MAX: variants seen among roughly 807,000 people sequenced by gnomAD.
MAX encodes protein max.
Under a neutral mutation model 22.3 loss-of-function variants are expected in MAX, and 3 were observed. The ratio of observed to expected loss-of-function variants is 0.13; its 90% CI spans 0.06 to 0.35. The LOEUF is 0.35. Ranked by LOEUF, MAX falls within the 10% of genes least tolerant of loss-of-function variation. MAX has a pLI of 1.00. For missense variants in MAX, 119 were observed against 209.4 expected, an observed-to-expected ratio of 0.57 and a Z score of 2.66; for synonymous variants, 72 against 77.7, an observed-to-expected ratio of 0.93 and a Z score of 0.39.
intron 3 of MAX, among the ~76,000 whole-genome samples, chr14:65,034,273 G>A (rs1016862813): frequency 6.6e-6 from 1 of 152,132 alleles, no homozygotes; most frequent in Non-Finnish European, 1.5e-5. Context: ...CTTCCTTTCA[G>A]CATGAAATTC....
rs2277500 is a variant in MAX, at chr14:65,077,732, C to T, written c.295+181G>A. On this transcript the variant is annotated intron_variant, in intron 4 of 4. Transcript: ENST00000358664. This position sits in a 1 kb window ranked among gnomAD's most constrained non-coding sequence, Gnocchi z 6.3. ...CTAGCTTCCACTGTCTCCTCACTGG[C>T]GCCTCAGGTCCTTCCTCAGGACGGC... is the stretch of plus-strand genomic sequence containing the variant. 0.043 allele frequency: 69,322 copies of T among 1,600,030 alleles called. 4,924 individuals are homozygous for T. Among genetic ancestry groups the T allele is most frequent in the East Asian group, 0.23 (10,234 of 44,106 alleles).
At position 65,076,838 on chromosome 14, in the gene MAX, C is replaced by T; in HGVS notation, c.296-175G>A. 1.4e-6 allele frequency: 1 copy of T among 708,344 alleles called. No homozygotes were observed. The highest frequency in any genetic ancestry group is 2.5e-6 in the Non-Finnish European group (1 of 398,812). The allele number at this position is 708,344 out of a possible 1,614,324, so 43.9% of individuals were successfully genotyped here. A position where few individuals can be genotyped will look rare whatever the true frequency, so the allele number is the denominator to read the frequency against. ...CTGTTCACTCACACACTTCATTTCC[C>T]TCCCGCCTTTCCCAGCTGGACCTGG... On this transcript the variant is annotated intron_variant, in intron 4 of 4. Coordinates refer to ENST00000358664, the MANE Select transcript of MAX (RefSeq NM_002382.5). This position sits in a 1 kb window ranked among gnomAD's most constrained non-coding sequence, Gnocchi z 6.6.
chr14:65,053,123 G>T lies in MAX; in HGVS notation c.171+40585C>A, dbSNP rs1006661608. 4 of 731,720 alleles carry T rather than the reference G, an allele frequency of 5.5e-6. No homozygotes were observed. The African/African-American group carries it at 5.5e-5, about 10-fold the overall frequency. 45.3% of individuals were successfully genotyped at this position (731,720 alleles called of 1,614,324 possible). ...ATAGCAGTTGTACCAAGAATGAATG[G>T]AAGAGGAAGGGGAGCAGGAAACCTT... On this transcript the variant is annotated intron_variant, in intron 3 of 3. Coordinates refer to the MAX transcript ENST00000341653.
At chr14:65,006,962 C>T (rs2061604383) in intron 3 of MAX, among the ~76,000 whole-genome samples, 1 of 152,054 alleles carries the variant, frequency 6.6e-6, no homozygotes, top group Admixed American at 6.6e-5. Flanking sequence ...AAGTGTTCCT[C>T]CTGGGCTCGG....
chr14:65,100,747 T>C (rs1256010258), intron 2 of MAX, among the ~76,000 whole-genome samples: 1 of 152,210 alleles, frequency 6.6e-6, no homozygotes, highest in Non-Finnish European at 1.5e-5. Flanking sequence ...TATTCTTTTT[T>C]CCCTCAAATC....
At chr14:65,055,718 T>C (rs1045475418) in intron 3 of MAX, among the ~76,000 whole-genome samples, 4 of 152,122 alleles carry the variant, frequency 2.6e-5, no homozygotes, top group African/African-American at 9.7e-5. Context: ...GGTTTCCCCA[T>C]GTTGGCCAGG....
At chr14:65,098,932 TG>T (rs1308687321) in intron 2 of MAX, among the ~76,000 whole-genome samples, 1 of 152,190 alleles carries the variant, frequency 6.6e-6, no homozygotes, top group Non-Finnish European at 1.5e-5. Context: ...CATACATGAA[TG>T]TTTTTATATT....
chr14:65,086,001 T>C (rs1365900833), intron 3 of MAX, among the ~76,000 whole-genome samples: 2 of 152,090 alleles, frequency 1.3e-5, no homozygotes, highest in Non-Finnish European at 2.9e-5. Context: ...ATCATGGGGG[T>C]TGGTCTTTCC....
intron 3 of MAX, among the ~76,000 whole-genome samples, chr14:65,051,118 C>T (rs560291742): frequency 1.3e-5 from 2 of 152,280 alleles, no homozygotes; most frequent in South Asian, 2.1e-4. Context: ...CTCCTTAGGT[C>T]GGACTTAGTT....
intron 1 of MAX, chr14:65,101,820 C>G: frequency 5.2e-6 from 3 of 578,252 alleles, no homozygotes; most frequent in Non-Finnish European, 9.2e-6. Context: ...GGGTCCCGAG[C>G]ACTGTCTCCT....
At chr14:65,083,945 T>G (rs2063259556) in intron 3 of MAX, 1 of 1,360,808 alleles carries the variant, frequency 7.3e-7, no homozygotes, top group African/African-American at 1.5e-5. Context: ...GGATCCACAT[T>G]AAACTAGTTC....
At chr14:65,050,962 T>C (rs1265868320) in intron 3 of MAX, among the ~76,000 whole-genome samples, 1 of 152,142 alleles carries the variant, frequency 6.6e-6, no homozygotes, top group African/African-American at 2.4e-5. Flanking sequence ...GAAGATAGAG[T>C]GAAGTCCCAT....
intron 3 of MAX, among the ~76,000 whole-genome samples, chr14:65,025,758 G>A (rs1256971485): frequency 3.3e-5 from 5 of 152,180 alleles, no homozygotes; most frequent in African/African-American, 1.2e-4. Context: ...TGAGGCTGCA[G>A]TGAGCCGTGA....
At position 65,032,593 on chromosome 14, in the gene MAX, C is replaced by T. The variant is rs373274514; in HGVS notation, c.172-26309G>A. The T allele has an allele frequency of 1.2e-5, 19 of 1,612,256 alleles. No individual in the cohort carries two copies. Among genetic ancestry groups the T allele is most frequent in the Non-Finnish European group, 1.4e-5 (16 of 1,179,694 alleles). On this transcript the variant is annotated intron_variant, in intron 3 of 3. Transcript: ENST00000341653. The surrounding 1 kb of genome is among the most constrained non-coding windows in gnomAD (Gnocchi z 5.0). ...CTTCCGTAGAGCTTAATGTGTTTCCCGTTTCTGTCTTTCCAGAAGCGCATA... is the reference window on the plus strand; with the variant it reads ...CTTCCGTAGAGCTTAATGTGTTTCCTGTTTCTGTCTTTCCAGAAGCGCATA...
rs925809824 is a variant in MAX, at chr14:65,053,408, C to T, written c.171+40300G>A. Reference sequence around the variant, plus strand: ...GGGGAGGAGAGAGCAGAGGGGCGTGCACCTCAGGCCTACTCAGAGCCAGAT... The same window carrying T: ...GGGGAGGAGAGAGCAGAGGGGCGTGTACCTCAGGCCTACTCAGAGCCAGAT... On this transcript the variant is annotated intron_variant, in intron 3 of 3. Coordinates refer to the MAX transcript ENST00000341653. 6.2e-6 allele frequency: 8 copies of T among 1,281,150 alleles called. No homozygotes were observed. The East Asian group carries it at 8.7e-5, about 14-fold the overall frequency. 79.4% of individuals were successfully genotyped at this position (1,281,150 alleles called of 1,614,324 possible).
At chr14:65,055,496 T>G (rs942522450) in intron 3 of MAX, among the ~76,000 whole-genome samples, 4 of 152,194 alleles carry the variant, frequency 2.6e-5, no homozygotes, top group Non-Finnish European at 4.4e-5. Flanking sequence ...CCTTTTTTGT[T>G]TAAAAAAATT....
At chr14:65,061,088 A>C (rs1303830994) in intron 3 of MAX, 2 of 1,547,490 alleles carry the variant, frequency 1.3e-6, no homozygotes, top group Non-Finnish European at 1.7e-6. Flanking sequence ...CCTTATACTA[A>C]ATTCTTAGAA....
At chr14:65,026,265 T>C (rs1439735378) in intron 3 of MAX, among the ~76,000 whole-genome samples, 3 of 152,188 alleles carry the variant, frequency 2.0e-5, no homozygotes, top group African/African-American at 7.2e-5. Flanking sequence ...CCCTTTCTGG[T>C]GCACTTCGGA....
In MAX at chr14:65,023,683, T is replaced by A. The variant is rs947664762; in HGVS notation, c.172-17399A>T. The stretch of plus-strand genomic sequence containing the variant: ...AGCTGAATTTTCTATTTTAATTAAT[T>A]GAGAATTTAAATTGCCTCATGTGGC... On this transcript the variant is annotated intron_variant, in intron 3 of 3. Coordinates refer to the MAX transcript ENST00000341653. The surrounding 1 kb of genome is among the most constrained non-coding windows in gnomAD (Gnocchi z 4.1). Among the ~76,000 whole-genome samples the A allele has an allele frequency of 6.6e-6, 1 of 152,316 alleles. No homozygotes were observed. Among genetic ancestry groups the A allele is most frequent in the Admixed American group, 6.5e-5 (1 of 15,296 alleles).
Sources: gnomAD v4.1 joint callset for allele counts (sites outside exome capture counted in the v4.1 genomes callset) on GRCh38, gnomAD v4.1.1 for gene constraint, Gnocchi (gnomAD v3.1) non-coding constraint, MANE v1.5 for transcripts, NCBI Gene and HGNC (gene_info 2026-07-23, HGNC 2026-07-21) for gene names.